The following ASIC2 variants were observed in gnomAD, a reference collection of about 807,000 sequenced individuals.
ASIC2 encodes the protein acid sensing ion channel subunit 2, also known as acid-sensing ion channel 2.
A neutral mutation model predicts 57.3 loss-of-function variants in ASIC2; 25 were observed. The observed-to-expected ratio is 0.44, with a 90% CI of 0.32 to 0.61. The LOEUF is 0.61. Among genes scored for constraint, ASIC2 ranks in the 20% least tolerant of loss-of-function variants. The pLI, the probability that ASIC2 is intolerant of heterozygous loss-of-function variation, is 0.06. For synonymous variants in ASIC2, 319 were observed against 307.5 expected, an observed-to-expected ratio of 1.04 and a Z score of -0.39; for missense variants, 641 against 738.1, an observed-to-expected ratio of 0.87 and a Z score of 1.52.
At chr17:33,047,073 C>G (rs185936210) in intron 3 of ASIC2, among the ~76,000 whole-genome samples, 2 of 152,368 alleles carry the variant, frequency 1.3e-5, no homozygotes, top group East Asian at 1.9e-4. Context: ...GCACACCAAG[C>G]AGTTGCCATA....
At chr17:33,612,756 C>T (rs1905451832) in intron 1 of ASIC2, among the ~76,000 whole-genome samples, 1 of 152,232 alleles carries the variant, frequency 6.6e-6, no homozygotes, top group South Asian at 2.1e-4. Flanking sequence ...CAGCCTCAAT[C>T]CCTGAGTCAC....
chr17:34,148,591 T>G (rs1450481654), intron 1 of ASIC2, among the ~76,000 whole-genome samples: 1 of 152,166 alleles, frequency 6.6e-6, no homozygotes, highest in Non-Finnish European at 1.5e-5. Flanking sequence ...TACATCTGTG[T>G]GCTGAGGTGG....
At position 33,291,433 on chromosome 17, in the gene ASIC2, A is replaced by C. The variant is rs1905440060; in HGVS notation, c.683T>G (p.Leu228Arg). ...GGAGGAGAAGTTGTGCGGCCCGCAG[A>C]GCTCGCCGCGGTACTTGCAGGAGAG... ...MLLSCKYRGE[L>R]CGPHNFSSVF... Residue 228 changes from leucine (L) to arginine (R), a missense_variant, in exon 1 of 10, where the codon CTC becomes CGC. Leu to Arg is a moderately radical substitution (Grantham distance 102, BLOSUM62 -2). Transcript: ENST00000225823. 6.2e-7 allele frequency: 1 copy of C among 1,604,936 alleles called. No homozygotes were observed. Among genetic ancestry groups the C allele is most frequent in the Non-Finnish European group, 8.5e-7 (1 of 1,175,352 alleles).
At chr17:33,229,241 A>C (rs1908000187) in intron 1 of ASIC2, among the ~76,000 whole-genome samples, 1 of 152,194 alleles carries the variant, frequency 6.6e-6, no homozygotes, top group South Asian at 2.1e-4. Flanking sequence ...AATGGAACAG[A>C]GCTGATAAGC....
In ASIC2 at chr17:33,678,435, C is replaced by CCACACACACA. The variant is rs71144896; in HGVS notation, c.555+477533_555+477542dup. Among the ~76,000 whole-genome samples the CCACACACACA allele has an allele frequency of 3.5e-3, 482 of 139,604 alleles. 8 individuals carry two copies. The highest frequency in any genetic ancestry group is 7.6e-3 in the African/African-American group (290 of 38,090). 91.6% of individuals were successfully genotyped at this position (139,604 alleles called of 152,430 possible). Reference sequence around the variant, plus strand: ...TCTGAACTATGGTGCCTGGTTCAATCCACACACACACACACACACACACAC... The same window carrying CCACACACACA: ...TCTGAACTATGGTGCCTGGTTCAATCCACACACACACACACACACACACACACACACACAC... On this transcript the variant is annotated intron_variant, in intron 1 of 9. Transcript: ENST00000359872.
At chr17:33,497,091 C>T (rs993849024) in intron 1 of ASIC2, among the ~76,000 whole-genome samples, 2 of 152,196 alleles carry the variant, frequency 1.3e-5, no homozygotes, top group Non-Finnish European at 2.9e-5. Flanking sequence ...ACTGCTTAGG[C>T]CATTGCTGGC....
intron 1 of ASIC2, among the ~76,000 whole-genome samples, chr17:33,988,215 CA>C (rs1219306517): frequency 6.6e-6 from 1 of 152,168 alleles, no homozygotes; most frequent in Admixed American, 6.5e-5. Flanking sequence ...ATATAAAATA[CA>C]AGGCACTTTC....
intron 1 of ASIC2, among the ~76,000 whole-genome samples, chr17:34,078,736 C>T (rs1027014525): frequency 6.6e-6 from 1 of 152,120 alleles, no homozygotes; most frequent in African/African-American, 2.4e-5. Context: ...GGAAGATTTC[C>T]CAGGGGCGGT....
chr17:33,416,439 T>C (rs1003370042), intron 1 of ASIC2, among the ~76,000 whole-genome samples: 1 of 152,204 alleles, frequency 6.6e-6, no homozygotes, highest in Non-Finnish European at 1.5e-5. Flanking sequence ...CCTCCTCCCA[T>C]GGGCCTTCCT....
At chr17:33,302,364 C>T (rs1295015918) in intron 1 of ASIC2, among the ~76,000 whole-genome samples, 1 of 152,208 alleles carries the variant, frequency 6.6e-6, no homozygotes, top group Admixed American at 6.5e-5. Context: ...TAGAATGAGG[C>T]ATTTTATTCA....
chr17:33,778,045 G>A (rs1597872220), intron 1 of ASIC2, among the ~76,000 whole-genome samples: 2 of 152,122 alleles, frequency 1.3e-5, no homozygotes, highest in South Asian at 4.2e-4. Flanking sequence ...TGGGAAATAG[G>A]AGGAGGCTGT....
At chr17:34,030,355 CA>C (rs1249569693) in intron 1 of ASIC2, among the ~76,000 whole-genome samples, 1 of 152,216 alleles carries the variant, frequency 6.6e-6, no homozygotes, top group Non-Finnish European at 1.5e-5. Context: ...TCTGAATTAA[CA>C]CCATCCGAAT....
intron 1 of ASIC2, among the ~76,000 whole-genome samples, chr17:33,610,627 G>T (rs921138106): frequency 2.6e-5 from 4 of 152,038 alleles, no homozygotes; most frequent in African/African-American, 7.2e-5. Context: ...ACTTTGGGAG[G>T]CCAAAGTGGG....
At chr17:33,656,220 G>T (rs914962867) in intron 1 of ASIC2, among the ~76,000 whole-genome samples, 1 of 151,878 alleles carries the variant, frequency 6.6e-6, no homozygotes, top group Non-Finnish European at 1.5e-5. Context: ...TCAACAATAA[G>T]ATAAAGGTTA....
At chr17:33,944,940 T>C (rs962579822) in intron 1 of ASIC2, among the ~76,000 whole-genome samples, 4 of 152,162 alleles carry the variant, frequency 2.6e-5, no homozygotes, top group African/African-American at 7.2e-5. Context: ...AGCTGAACAT[T>C]GGTTCCCCAA....
intron 1 of ASIC2, among the ~76,000 whole-genome samples, chr17:33,474,729 C>T (rs1009119478): frequency 2.0e-5 from 3 of 152,294 alleles, no homozygotes; most frequent in African/African-American, 7.2e-5. Context: ...TTGATTTAGT[C>T]CACAAAGGCC....
At chr17:33,945,187 G>A (rs149298276) in intron 1 of ASIC2, among the ~76,000 whole-genome samples, 264 of 152,248 alleles carry the variant, frequency 1.7e-3, no homozygotes, top group African/African-American at 5.8e-3. Context: ...TTAACATCCC[G>A]AACCTGTTTT....
At chr17:33,415,867 G>A (rs921038060) in intron 1 of ASIC2, among the ~76,000 whole-genome samples, 1 of 152,248 alleles carries the variant, frequency 6.6e-6, no homozygotes, top group African/African-American at 2.4e-5. Context: ...GGATACTTGA[G>A]GAGAAGGCTG....
intron 2 of ASIC2, among the ~76,000 whole-genome samples, chr17:33,104,656 A>G (rs1281538784): frequency 6.6e-6 from 1 of 152,234 alleles, no homozygotes; most frequent in Admixed American, 6.5e-5. Flanking sequence ...GAAAAAATAG[A>G]CAAGGAGGAT....
Sources: allele counts gnomAD v4.1 joint callset (sites outside exome capture counted in the v4.1 genomes callset), GRCh38; gene constraint gnomAD v4.1.1; transcripts MANE v1.5; gene names NCBI Gene and HGNC (gene_info 2026-07-23, HGNC 2026-07-21).